Variants in TBC1D31 observed in about 807,000 individuals in gnomAD.
TBC1D31 encodes WD repeat domain 67.
In TBC1D31, 99 loss-of-function variants were observed where a neutral mutation model predicts 132.9. That is an observed-to-expected ratio of 0.74 (90% CI 0.63 to 0.88). The LOEUF (loss-of-function observed/expected upper bound fraction) is 0.88. Ranked by LOEUF, TBC1D31 falls within the 40% of genes least tolerant of loss-of-function variation. The pLI is 0.00. For synonymous variants in TBC1D31, 385 were observed against 419.4 expected, an observed-to-expected ratio of 0.92 and a Z score of 1.00; for missense variants, 1,134 against 1,256.6, an observed-to-expected ratio of 0.90 and a Z score of 1.48.
rs200602016 is a variant in TBC1D31, at chr8:123,133,536, T to C, written c.2407-578T>C. On this transcript the variant is annotated intron_variant, in intron 16 of 21. Coordinates refer to ENST00000287380, the MANE Select transcript of TBC1D31 (RefSeq NM_145647.4). The stretch of plus-strand genomic sequence containing the variant: ...CTAACATTTCACTTTATATCTAAGA[T>C]CATTTCTAAGAGTCTCTAGAGAGTT... 2.6e-5 allele frequency among the ~76,000 whole-genome samples: 4 copies of C among 152,360 alleles called. No homozygotes were observed. The East Asian group carries it at 7.7e-4, about 29-fold the overall frequency.
In TBC1D31 at chr8:123,129,251, C is replaced by CATATA. The variant is rs764198249; in HGVS notation, c.2270+35_2270+39dup. ...TTATCACTTTAAAAAAAAATCTGGA[C>CATATA]ATATAAGTTAGTTGAATAATTTTTA... On this transcript the variant is annotated intron_variant, in intron 15 of 21. Transcript: ENST00000287380. 3 of 1,400,312 alleles carry CATATA rather than the reference C, an allele frequency of 2.1e-6. No homozygotes were observed. In the African/African-American group the frequency reaches 4.4e-5, roughly 20 times the overall value. 86.7% of individuals were successfully genotyped at this position (1,400,312 alleles called of 1,614,324 possible).
Position 123,128,446 on chromosome 8 carries a change from AT to A in TBC1D31, c.2052del (p.Ile684MetfsTer12), listed in dbSNP as rs761607825. 6.2e-7 allele frequency: 1 copy of A among 1,613,996 alleles called. No homozygotes were observed. The highest frequency in any genetic ancestry group is 8.5e-7 in the Non-Finnish European group (1 of 1,179,876). On this transcript the variant is annotated frameshift_variant, in exon 14 of 22. Coordinates refer to ENST00000287380, the MANE Select transcript of TBC1D31 (RefSeq NM_145647.4). LOFTEE classifies it high-confidence loss of function. ...AGTATTTAATCAATATCCAAAGTTT[AT>A]TGTGGACTATCAAACACAGGAACGA... The part of the protein sequence containing the change: ...YPVFNQYPKF[I>X]VDYQTQERER...
intron 4 of TBC1D31, among the ~76,000 whole-genome samples, chr8:123,092,102 C>T (rs1816384417): frequency 6.6e-6 from 1 of 152,118 alleles, no homozygotes; most frequent in Admixed American, 6.5e-5. Flanking sequence ...GCAACCTCCA[C>T]CCTCCAGGTT....
intron 10 of TBC1D31, among the ~76,000 whole-genome samples, chr8:123,112,748 C>G (rs1298307790): frequency 6.6e-6 from 1 of 152,124 alleles, no homozygotes; most frequent in Non-Finnish European, 1.5e-5. Flanking sequence ...GATGCTGAGT[C>G]AAAGGGTAAA....
chr8:123,138,361 T>C (rs1821301790), intron 17 of TBC1D31, among the ~76,000 whole-genome samples: 2 of 147,180 alleles, frequency 1.4e-5, no homozygotes, highest in South Asian at 4.3e-4. Context: ...TTGCATATAA[T>C]TGAAAGATAT....
chr8:123,140,734 A>T, intron 17 of TBC1D31, 27 bp from the exon 18 acceptor site: 1 of 1,551,826 alleles, frequency 6.4e-7, no homozygotes, highest in Non-Finnish European at 8.8e-7. Context: ...TAAATTAGTG[A>T]TTTTTTTTTA....
At chr8:123,096,845 G>A (rs185706267) in intron 5 of TBC1D31, among the ~76,000 whole-genome samples, 15 of 152,070 alleles carry the variant, frequency 9.9e-5, no homozygotes, top group African/African-American at 3.6e-4. Flanking sequence ...AAAAAGTTTG[G>A]GCTGTTTTGT....
chr8:123,073,372 G>C, intron 1 of TBC1D31: 1 of 456,326 alleles, frequency 2.2e-6, no homozygotes, highest in Non-Finnish European at 4.4e-6. Context: ...GCCTCTAAGC[G>C]CTGGGGACGG....
At chr8:123,145,333 G>A (rs1349908508) in intron 20 of TBC1D31, among the ~76,000 whole-genome samples, 1 of 152,102 alleles carries the variant, frequency 6.6e-6, no homozygotes. Context: ...GGCTGAGGTG[G>A]GACTATTACA....
At chr8:123,101,063 C>A in intron 7 of TBC1D31, 56 bp downstream of exon 7, 4 of 1,242,032 alleles carry the variant, frequency 3.2e-6, no homozygotes, top group Non-Finnish European at 4.6e-6. Flanking sequence ...TATATTATAT[C>A]ATCAAGAATA....
chr8:123,080,654 A>G (rs1320676524), intron 2 of TBC1D31, among the ~76,000 whole-genome samples: 1 of 145,178 alleles, frequency 6.9e-6, no homozygotes, highest in African/African-American at 2.6e-5. Flanking sequence ...CTTCTGCCTC[A>G]GCCTCCCAAG....
At chr8:123,085,907 C>T (rs1815691972) in intron 4 of TBC1D31, among the ~76,000 whole-genome samples, 1 of 152,296 alleles carries the variant, frequency 6.6e-6, no homozygotes, top group Non-Finnish European at 1.5e-5. Context: ...ACAGATGCCC[C>T]AGTTTGGTTC....
intron 10 of TBC1D31, among the ~76,000 whole-genome samples, chr8:123,114,072 CT>C (rs1416187787): frequency 6.6e-6 from 1 of 152,072 alleles, no homozygotes; most frequent in Admixed American, 6.5e-5. Flanking sequence ...CCCTCCCCCA[CT>C]TTTTTAAAGA....
chr8:123,133,386 G>A (rs16898028), intron 16 of TBC1D31, among the ~76,000 whole-genome samples: 1,992 of 152,152 alleles, frequency 0.013, 46 homozygotes, highest in African/African-American at 0.045. Flanking sequence ...AAATTGAACT[G>A]GTCCTGGTCC....
intron 18 of TBC1D31, among the ~76,000 whole-genome samples, chr8:123,141,504 G>A (rs1821665150): frequency 8.5e-6 from 1 of 117,472 alleles, no homozygotes; most frequent in Non-Finnish European, 1.9e-5. Context: ...CAGAAATGCT[G>A]ACTTAAGTGA....
intron 3 of TBC1D31, 117 bp from the exon 4 acceptor site, chr8:123,084,045 G>T (rs948982246): frequency 1.2e-6 from 1 of 800,914 alleles, no homozygotes; most frequent in Non-Finnish European, 2.0e-6. Context: ...ATTAATGGAG[G>T]TGCCTCATAT....
At chr8:123,117,394 T>C (rs997942192) in intron 10 of TBC1D31, among the ~76,000 whole-genome samples, 1 of 151,554 alleles carries the variant, frequency 6.6e-6, no homozygotes, top group African/African-American at 2.4e-5. Flanking sequence ...TAATGGCAAA[T>C]GGAAAAATAG....
intron 10 of TBC1D31, among the ~76,000 whole-genome samples, chr8:123,112,421 T>G (rs1382199091): frequency 6.6e-6 from 1 of 152,232 alleles, no homozygotes; most frequent in African/African-American, 2.4e-5. Flanking sequence ...AGTCATCCTT[T>G]TAGCAAATAT....
intron 20 of TBC1D31, 73 bp from the exon 21 acceptor site, chr8:123,149,963 G>A (rs1031341492): frequency 9.5e-7 from 1 of 1,049,460 alleles, no homozygotes; most frequent in Non-Finnish European, 1.5e-6. Flanking sequence ...TAACTTACTA[G>A]GGACCATTTG....
Sources: gnomAD v4.1 joint callset for allele counts (sites outside exome capture counted in the v4.1 genomes callset) on GRCh38, gnomAD v4.1.1 for gene constraint, MANE v1.5 for transcripts, NCBI Gene and HGNC (gene_info 2026-07-23, HGNC 2026-07-21) for gene names.